The following RALGAPA2 variants were observed in gnomAD, a reference collection of about 807,000 sequenced individuals.
RALGAPA2 encodes Ral GTPase activating protein catalytic subunit alpha 2, also known as ral GTPase-activating protein subunit alpha-2.
A neutral mutation model predicts 230.4 loss-of-function variants in RALGAPA2; 139 were observed. That is an observed-to-expected ratio of 0.60 (90% CI 0.53 to 0.69). RALGAPA2 has a LOEUF of 0.69. Ranked by LOEUF, RALGAPA2 falls within the 30% of genes least tolerant of loss-of-function variation. The pLI is 0.00. For missense variants in RALGAPA2, 2,163 were observed against 2,276.0 expected (o/e 0.95, Z 1.01); for synonymous variants, 847 against 837.8 (o/e 1.01, Z -0.19).
At chr20:20,652,076 G>A (rs1181791588) in intron 4 of RALGAPA2, among the ~76,000 whole-genome samples, 1 of 152,114 alleles carries the variant, frequency 6.6e-6, no homozygotes, top group Admixed American at 6.5e-5. Context: ...TTAAAGTAAT[G>A]ATTTACACAT....
At chr20:20,404,135 G>A (rs909450687) in intron 38 of RALGAPA2, among the ~76,000 whole-genome samples, 2 of 152,052 alleles carry the variant, frequency 1.3e-5, no homozygotes, top group Non-Finnish European at 2.9e-5. Flanking sequence ...ATTCTTTCTC[G>A]GCATTGTCTA....
At chr20:20,702,370 G>T (rs2069416424) in intron 1 of RALGAPA2, among the ~76,000 whole-genome samples, 1 of 152,126 alleles carries the variant, frequency 6.6e-6, no homozygotes. Context: ...AGAAGGAGCT[G>T]GTGAAGGCAG....
At chr20:20,544,472 T>G (rs1361312312) in intron 24 of RALGAPA2, among the ~76,000 whole-genome samples, 1 of 152,012 alleles carries the variant, frequency 6.6e-6, no homozygotes, top group South Asian at 2.1e-4. Flanking sequence ...TCCTCAAGGA[T>G]CTAGAACTAG....
At chr20:20,485,475 T>G (rs922289418) in intron 36 of RALGAPA2, among the ~76,000 whole-genome samples, 1 of 152,244 alleles carries the variant, frequency 6.6e-6, no homozygotes, top group Non-Finnish European at 1.5e-5. Flanking sequence ...ACGACTGACA[T>G]GTATTTTATT....
rs771874377 is a variant in RALGAPA2 at position 20,591,160 on chromosome 20, C to A, written c.2341+17G>T. The A allele has an allele frequency of 3.1e-6, 5 of 1,612,174 alleles. No individual in the cohort carries two copies. The highest frequency in any genetic ancestry group is 4.2e-6 in the Non-Finnish European group (5 of 1,179,236). ...AGAATCTATAGTTCTGTATTAAACA[C>A]TGAAGACATCATGTACCCTGAGAAG... On this transcript the variant is annotated intron_variant, in intron 17 of 39. Transcript: ENST00000202677.
chr20:20,681,448 C>T (rs2068518089), intron 1 of RALGAPA2, among the ~76,000 whole-genome samples: 1 of 152,072 alleles, frequency 6.6e-6, no homozygotes, highest in Admixed American at 6.6e-5. Flanking sequence ...GATAGATAGG[C>T]GGGGGTGTGG....
chr20:20,495,787 G>T (rs573197385), intron 35 of RALGAPA2, among the ~76,000 whole-genome samples: 9 of 152,290 alleles, frequency 5.9e-5, no homozygotes, highest in Middle Eastern at 3.4e-3. Context: ...AGAAAAGGAC[G>T]TATAAAATTA....
At position 20,536,775 on chromosome 20, in the gene RALGAPA2, A is replaced by G; in HGVS notation, c.3295T>C (p.Ser1099Pro). ...LSTDILTAPR[S>P]EAVTVLGSLV... ...GAGCCGAGGACAGTGACAGCCTCTGAACGAGGCGCCTGCACATAAGGAAGA... is the reference window on the plus strand; with the variant it reads ...GAGCCGAGGACAGTGACAGCCTCTGGACGAGGCGCCTGCACATAAGGAAGA... The change falls in exon 25 of 40, where the codon TCA becomes CCA. Residue 1099 changes from serine to proline, a missense_variant. Physicochemically the swap from Ser to Pro is moderately conservative, Grantham distance 74. Transcript: ENST00000202677. The G allele has an allele frequency of 6.2e-7, 1 of 1,612,098 alleles. No individual in the cohort carries two copies. Among genetic ancestry groups the G allele is most frequent in the Non-Finnish European group, 8.5e-7 (1 of 1,178,536 alleles).
intron 18 of RALGAPA2, among the ~76,000 whole-genome samples, chr20:20,585,246 C>A (rs1423923351): frequency 6.6e-6 from 1 of 152,092 alleles, no homozygotes. Context: ...TTTTAAAGTT[C>A]TATTTGTTCT....
chr20:20,428,296 C>T (rs6112897), intron 37 of RALGAPA2, among the ~76,000 whole-genome samples: 2 of 152,076 alleles, frequency 1.3e-5, no homozygotes, highest in Non-Finnish European at 2.9e-5. Flanking sequence ...ACATTTAAGC[C>T]TCATAGAGTC....
chr20:20,653,842 C>T (rs1422925991), intron 3 of RALGAPA2, among the ~76,000 whole-genome samples: 2 of 152,086 alleles, frequency 1.3e-5, no homozygotes, highest in African/African-American at 4.8e-5. Flanking sequence ...CAAGAAAAAA[C>T]CTAAAATGTT....
At chr20:20,573,577 C>T (rs946340407) in intron 20 of RALGAPA2, among the ~76,000 whole-genome samples, 14 of 152,202 alleles carry the variant, frequency 9.2e-5, no homozygotes, top group Admixed American at 7.2e-4. Flanking sequence ...GATCTCATCA[C>T]TCCAAAAAGT....
chr20:20,593,749 G>T (rs1259964205), intron 16 of RALGAPA2, among the ~76,000 whole-genome samples: 1 of 152,204 alleles, frequency 6.6e-6, no homozygotes, highest in Non-Finnish European at 1.5e-5. Context: ...GAGCAAATAA[G>T]AGCTGAGCCA....
chr20:20,413,363 G>A (rs2060101549), intron 37 of RALGAPA2, among the ~76,000 whole-genome samples: 1 of 152,162 alleles, frequency 6.6e-6, no homozygotes, highest in Non-Finnish European at 1.5e-5. Context: ...ATGGCAAAGT[G>A]TGCACACCGA....
intron 30 of RALGAPA2, among the ~76,000 whole-genome samples, chr20:20,523,060 T>A (rs1461019568): frequency 3.3e-5 from 5 of 152,234 alleles, no homozygotes; most frequent in African/African-American, 1.2e-4. Flanking sequence ...GTAATACTTT[T>A]AAAAATAAGG....
chr20:20,527,700 C>T (rs972577983), intron 27 of RALGAPA2, among the ~76,000 whole-genome samples: 5 of 152,144 alleles, frequency 3.3e-5, no homozygotes, highest in African/African-American at 2.4e-5. Flanking sequence ...AGGCTATCAG[C>T]GCTGACCTTT....
At chr20:20,606,659 G>A (rs1425291239) in intron 14 of RALGAPA2, among the ~76,000 whole-genome samples, 2 of 151,988 alleles carry the variant, frequency 1.3e-5, no homozygotes, top group Non-Finnish European at 2.9e-5. Flanking sequence ...CCAGCCTCCA[G>A]GAAGTGTCCT....
chr20:20,513,875 T>A (rs1307083699), intron 31 of RALGAPA2, among the ~76,000 whole-genome samples: 3 of 152,196 alleles, frequency 2.0e-5, no homozygotes, highest in African/African-American at 7.2e-5. Context: ...AACTGCAGGC[T>A]TGGGGTGGGA....
intron 22 of RALGAPA2, 60 bp from the exon 23 acceptor site, chr20:20,571,673 T>C (rs1356656909): frequency 1.3e-6 from 2 of 1,546,934 alleles, no homozygotes; most frequent in Admixed American, 1.9e-5. Context: ...ATTTCAACAT[T>C]TCATTTACTT....
Sources: gnomAD v4.1 joint callset for allele counts (sites outside exome capture counted in the v4.1 genomes callset) on GRCh38, gnomAD v4.1.1 for gene constraint, MANE v1.5 for transcripts, NCBI Gene and HGNC (gene_info 2026-07-23, HGNC 2026-07-21) for gene names.